The following CCDC141 variants were observed in gnomAD, a reference collection of about 807,000 sequenced individuals.
CCDC141 encodes the protein coiled-coil domain containing 141.
CCDC141 carries 168 observed loss-of-function variants against 181.0 expected under a neutral mutation model. That is an observed-to-expected ratio of 0.93 (90% CI 0.82 to 1.05). The LOEUF (loss-of-function observed/expected upper bound fraction) is 1.05. Ranked by LOEUF, CCDC141 falls within the 50% of genes least tolerant of loss-of-function variation. The probability of loss-of-function intolerance (pLI) is 0.00; values close to 1 mark genes in which losing one functional copy is unlikely to be tolerated. For synonymous variants in CCDC141, 666 were observed against 642.3 expected (o/e 1.04, Z -0.56); for missense variants, 1,902 against 1,788.5 (o/e 1.06, Z -1.14).
chr2:178,863,956 C>T (rs536183698), intron 17 of CCDC141, among the ~76,000 whole-genome samples: 65 of 152,312 alleles, frequency 4.3e-4, no homozygotes, highest in East Asian at 9.7e-4. Context: ...TCATCCCGGC[C>T]GGCTGGCTCC....
chr2:178,959,876 A>G (rs934501840), intron 5 of CCDC141, among the ~76,000 whole-genome samples: 11 of 152,196 alleles, frequency 7.2e-5, no homozygotes, highest in African/African-American at 2.7e-4. Flanking sequence ...TGACCAACAC[A>G]TGTCAAAATT....
At chr2:179,042,476 TAGC>T (rs2043338558) in intron 2 of CCDC141, among the ~76,000 whole-genome samples, 1 of 152,152 alleles carries the variant, frequency 6.6e-6, no homozygotes, top group Non-Finnish European at 1.5e-5. Flanking sequence ...GCTTCCCAAG[TAGC>T]TGGGATTACA....
intron 2 of CCDC141, among the ~76,000 whole-genome samples, chr2:179,040,022 C>T (rs773544170): frequency 2.6e-5 from 4 of 152,066 alleles, no homozygotes; most frequent in Non-Finnish European, 5.9e-5. Context: ...TTTGTTAGGG[C>T]TGAGTGGCTG....
At chr2:178,914,130 G>T (rs1688340184) in intron 7 of CCDC141, among the ~76,000 whole-genome samples, 1 of 152,186 alleles carries the variant, frequency 6.6e-6, no homozygotes, top group Non-Finnish European at 1.5e-5. Context: ...CCCGAAGGAT[G>T]AATATTTTGG....
At chr2:178,983,839 T>C (rs1349586261) in intron 2 of CCDC141, among the ~76,000 whole-genome samples, 2 of 151,162 alleles carry the variant, frequency 1.3e-5, no homozygotes, top group Non-Finnish European at 3.0e-5. Context: ...CTACATCTGA[T>C]TGGTGTACCT....
Position 178,904,476 on chromosome 2 carries a change from A to AT in CCDC141, c.1265+852dup, listed in dbSNP as rs1397634416. On this transcript the variant is annotated intron_variant, in intron 8 of 23. Coordinates refer to ENST00000443758, the MANE Select transcript of CCDC141 (RefSeq NM_173648.4). Reference sequence around the variant, plus strand: ...CAAGGGTTTAAACAGAAATAAAATGATTTTATCACATTTCACCTATTTCAT... The same window carrying AT: ...CAAGGGTTTAAACAGAAATAAAATGATTTTTATCACATTTCACCTATTTCAT... 6.6e-5 allele frequency among the ~76,000 whole-genome samples: 10 copies of AT among 152,270 alleles called. No individual in the cohort carries two copies. The East Asian group carries it at 1.9e-3, about 29-fold the overall frequency.
chr2:178,863,051 G>A (rs1685691085), intron 17 of CCDC141, among the ~76,000 whole-genome samples: 1 of 152,238 alleles, frequency 6.6e-6, no homozygotes. Flanking sequence ...ATCAGACCAT[G>A]CAGTGGTTGA....
chr2:179,046,509 G>T (rs1227322259), intron 2 of CCDC141, among the ~76,000 whole-genome samples: 1 of 152,236 alleles, frequency 6.6e-6, no homozygotes, highest in Non-Finnish European at 1.5e-5. Flanking sequence ...AGCTTAAGAA[G>T]GGTGGGGTAA....
chr2:178,991,490 A>G (rs185923888), intron 2 of CCDC141, among the ~76,000 whole-genome samples: 8 of 152,258 alleles, frequency 5.3e-5, no homozygotes, highest in Admixed American at 3.9e-4. Context: ...ACGTAAGCAG[A>G]TCTCATGAAG....
At chr2:178,823,324 T>C in the CCDC141 span, among the ~76,000 whole-genome samples, 1 of 152,196 alleles carries the variant, frequency 6.6e-6, no homozygotes, top group Non-Finnish European at 1.5e-5. Context: ...AATGTCAAAT[T>C]ATACTTTAAG....
chr2:178,869,053 T>A, intron 15 of CCDC141, 64 bp downstream of exon 15: 1 of 1,209,092 alleles, frequency 8.3e-7, no homozygotes, highest in Non-Finnish European at 1.1e-6. Flanking sequence ...TATTATATAA[T>A]AATTCATTTT....
Position 178,837,600 on chromosome 2 carries a change from C to T in CCDC141, c.3619G>A (p.Glu1207Lys). ...GAGATGTCATCAGGTGAGACACACT[C>T]ATATTCTTCCCCTGAGAGCATGTCT... ...PEDMLSGEEYECVSPDDISLP... is the reference protein window; with the variant it reads ...PEDMLSGEEYKCVSPDDISLP... The change falls in exon 23 of 24, where the codon GAG becomes AAG. Residue 1207 changes from glutamate to lysine, a missense_variant. Coordinates refer to ENST00000443758, the MANE Select transcript of CCDC141 (RefSeq NM_173648.4). 1.2e-6 allele frequency: 2 copies of T among 1,613,990 alleles called. No individual in the cohort carries two copies. Among genetic ancestry groups the T allele is most frequent in the South Asian group, 1.1e-5 (1 of 91,084 alleles).
At chr2:178,896,604 G>C (rs952888135) in intron 8 of CCDC141, among the ~76,000 whole-genome samples, 1 of 152,084 alleles carries the variant, frequency 6.6e-6, no homozygotes, top group Admixed American at 6.6e-5. Context: ...TTTTAAAAAA[G>C]GATCTATGTT....
Position 178,885,084 on chromosome 2 carries a change from T to A in CCDC141, c.1536A>T (p.Ser512=), listed in dbSNP as rs913642266. 2 of 1,548,370 alleles carry A rather than the reference T, an allele frequency of 1.3e-6. No individual in the cohort carries two copies. Among genetic ancestry groups the A allele is most frequent in the African/African-American group, 1.4e-5 (1 of 72,984 alleles). The change falls in exon 11 of 24, where the codon TCA becomes TCT. Residue 512 remains serine, a synonymous_variant. Transcript: ENST00000443758. The part of the protein sequence containing the change: ...LELDIQAKET[S]HELEAAAKTM... ...TTTTTGCAGCTGCTTCTAATTCATG[T>A]GATGTCTCCTGTAAAAGCAAAGCAC...
chr2:178,881,911 TCTCTCACACACACACACA>T (rs1484600320), intron 11 of CCDC141, among the ~76,000 whole-genome samples: 4 of 107,156 alleles, frequency 3.7e-5, no homozygotes, highest in African/African-American at 1.1e-4. Flanking sequence ...TCTCTCTCTC[TCTCTCACACACACACACA>T]CACACACACA....
rs1455661645 is a variant in CCDC141, at chr2:178,905,210, A to G, written c.1265+119T>C. The G allele has an allele frequency of 3.2e-5, 29 of 907,276 alleles. No individual in the cohort carries two copies. The East Asian group carries it at 5.6e-4, about 17-fold the overall frequency. 56.2% of individuals were successfully genotyped at this position (907,276 alleles called of 1,614,324 possible). ...AAACTTCAATAGATCCTTTTAAGCC[A>G]TATCATAATGCAGCAAAACATCAGA... On this transcript the variant is annotated intron_variant, in intron 8 of 23. Transcript: ENST00000443758.
chr2:178,859,128 T>C (rs1685500212), intron 17 of CCDC141, among the ~76,000 whole-genome samples: 1 of 152,196 alleles, frequency 6.6e-6, no homozygotes, highest in African/African-American at 2.4e-5. Flanking sequence ...TGAGCTCCCT[T>C]GACAAAGTTG....
At chr2:178,844,701 G>T (rs555681985) in intron 22 of CCDC141, among the ~76,000 whole-genome samples, 1 of 152,198 alleles carries the variant, frequency 6.6e-6, no homozygotes, top group Non-Finnish European at 1.5e-5. Context: ...GAACCATACT[G>T]ACTTCAAGGA....
intron 2 of CCDC141, among the ~76,000 whole-genome samples, chr2:179,012,734 G>GAATCCAACAACATATCAAAAAGAT (rs1559046608): frequency 6.6e-6 from 1 of 151,910 alleles, no homozygotes; most frequent in African/African-American, 2.4e-5. Context: ...TTAGTTAACC[G>GAATCCAACAACATATCAAAAAGAT]AATCCAACAA....
Sources: allele counts gnomAD v4.1 joint callset (sites outside exome capture counted in the v4.1 genomes callset), GRCh38; gene constraint gnomAD v4.1.1; transcripts MANE v1.5; gene names NCBI Gene and HGNC (gene_info 2026-07-23, HGNC 2026-07-21).